Variants in NEBL observed in about 807,000 individuals in gnomAD.
The protein encoded by NEBL is LIM and SH3 protein 2.
A neutral mutation model predicts 140.2 loss-of-function variants in NEBL; 122 were observed. That is an observed-to-expected ratio of 0.87 (90% CI 0.75 to 1.01). The LOEUF (loss-of-function observed/expected upper bound fraction) is 1.01. Among genes scored for constraint, NEBL ranks in the 50% least tolerant of loss-of-function variants. NEBL has a pLI of 0.00. For synonymous variants in NEBL, 436 were observed against 398.9 expected, an observed-to-expected ratio of 1.09 and a Z score of -1.11; for missense variants, 1,365 against 1,231.3, an observed-to-expected ratio of 1.11 and a Z score of -1.62.
intron 2 of NEBL, among the ~76,000 whole-genome samples, chr10:21,073,187 G>T (rs1835896392): frequency 6.6e-6 from 1 of 152,128 alleles, no homozygotes; most frequent in African/African-American, 2.4e-5. Flanking sequence ...TCAGGGCGCA[G>T]TAGTTCACAT....
At chr10:21,187,783 GGA>G (rs1295425348) in intron 3 of NEBL, among the ~76,000 whole-genome samples, 2 of 152,084 alleles carry the variant, frequency 1.3e-5, no homozygotes. Context: ...CAAAGTGCTG[GGA>G]TTACAGATGT....
intron 3 of NEBL, among the ~76,000 whole-genome samples, chr10:21,240,296 G>A (rs1211607747): frequency 3.9e-5 from 6 of 152,080 alleles, no homozygotes; most frequent in East Asian, 1.9e-4. Flanking sequence ...GTAGAGATTC[G>A]TTGCATGTAA....
At chr10:21,165,028 T>C (rs1427101293) in intron 2 of NEBL, among the ~76,000 whole-genome samples, 1 of 152,218 alleles carries the variant, frequency 6.6e-6, no homozygotes, top group Non-Finnish European at 1.5e-5. Context: ...ACCTTTTCTC[T>C]TGTCTTTAAG....
At chr10:21,032,690 G>A (rs1833849863) in intron 2 of NEBL, among the ~76,000 whole-genome samples, 1 of 152,172 alleles carries the variant, frequency 6.6e-6, no homozygotes, top group African/African-American at 2.4e-5. Context: ...TTATGATAAT[G>A]TAGGCCTCTC....
Position 20,869,630 on chromosome 10 carries a change from A to G in NEBL, c.582+110T>C, listed in dbSNP as rs1844709280. On this transcript the variant is annotated intron_variant, in intron 6 of 27. Transcript: ENST00000377122. ...GGGGGAAATTGAGATGTATTCATTT[A>G]TATTGATTAGTTACACTAATTAAAT... is the stretch of plus-strand genomic sequence containing the variant. 7.9e-6 allele frequency: 6 copies of G among 762,862 alleles called. No homozygotes were observed. In the Admixed American group the frequency reaches 9.5e-5, roughly 12 times the overall value. 47.3% of individuals were successfully genotyped at this position (762,862 alleles called of 1,614,324 possible).
At chr10:20,819,646 T>G in intron 19 of NEBL, 130 bp from the exon 20 acceptor site, 2 of 1,133,976 alleles carry the variant, frequency 1.8e-6, no homozygotes, top group Non-Finnish European at 1.3e-6. Context: ...CAGGATTTCA[T>G]AGTGAAATAT....
rs1835239388 is a variant in NEBL at position 20,784,429 on chromosome 10, TG to T, written c.*1317del. 1 of 152,164 alleles carries T rather than the reference TG, an allele frequency of 6.6e-6. No homozygotes were observed. The highest frequency in any genetic ancestry group is 6.5e-5 in the Admixed American group (1 of 15,270). The allele number at this position is 152,164 out of a possible 1,614,324, so 9.4% of individuals were successfully genotyped here. A position where few individuals can be genotyped will look rare whatever the true frequency, so the allele number is the denominator to read the frequency against. On this transcript the variant is annotated 3_prime_UTR_variant, in exon 28 of 28. Coordinates refer to ENST00000377122, the MANE Select transcript of NEBL (RefSeq NM_006393.3). ...ATTTCTTTCTTAGAGAACAGGCTCT[TG>T]GGCCTGTACTAAAAAATCTCTGATG...
chr10:21,213,254 C>T (rs1033393078), intron 3 of NEBL, among the ~76,000 whole-genome samples: 1 of 152,152 alleles, frequency 6.6e-6, no homozygotes, highest in African/African-American at 2.4e-5. Flanking sequence ...TTTCCTTGAA[C>T]TTGTATTTGG....
chr10:20,942,369 G>C (rs1399883189), intron 4 of NEBL, among the ~76,000 whole-genome samples: 1 of 152,136 alleles, frequency 6.6e-6, no homozygotes, highest in African/African-American at 2.4e-5. Flanking sequence ...ATGGTGCTGG[G>C]AAAACTGGCT....
At chr10:20,972,764 TA>T (rs556803958) in intron 3 of NEBL, among the ~76,000 whole-genome samples, 3,199 of 147,962 alleles carry the variant, frequency 0.022, 40 homozygotes, top group Middle Eastern at 0.055. Flanking sequence ...AAATAAAAAT[TA>T]AAAAAAAAAT....
intron 25 of NEBL, among the ~76,000 whole-genome samples, chr10:20,809,339 T>G (rs189863422): frequency 1.3e-5 from 2 of 152,204 alleles, no homozygotes; most frequent in Non-Finnish European, 2.9e-5. Flanking sequence ...AAACTATTCA[T>G]TTTACATTAT....
At chr10:21,171,901 C>G (rs1464556237) in intron 2 of NEBL, 1 of 192,112 alleles carries the variant, frequency 5.2e-6, no homozygotes, top group Non-Finnish European at 1.1e-5. Flanking sequence ...CCAAACCATT[C>G]TTTGATTTCC....
intron 3 of NEBL, among the ~76,000 whole-genome samples, chr10:20,974,092 GT>G: frequency 6.6e-6 from 1 of 152,206 alleles, no homozygotes; most frequent in Middle Eastern, 3.4e-3. Flanking sequence ...TGGTTTAGTG[GT>G]TACAACCCAG....
At chr10:20,837,854 T>C (rs1338169157) in intron 13 of NEBL, among the ~76,000 whole-genome samples, 1 of 152,180 alleles carries the variant, frequency 6.6e-6, no homozygotes, top group Non-Finnish European at 1.5e-5. Flanking sequence ...GCTTTATAAA[T>C]GGAATAACAA....
chr10:20,951,322 G>C (rs1297549771), intron 4 of NEBL, among the ~76,000 whole-genome samples: 1 of 143,524 alleles, frequency 7.0e-6, no homozygotes, highest in Non-Finnish European at 1.5e-5. Context: ...GTACAAAAGA[G>C]AAAAAGGCCA....
At chr10:21,046,453 C>T (rs1278476108) in intron 2 of NEBL, among the ~76,000 whole-genome samples, 3 of 152,128 alleles carry the variant, frequency 2.0e-5, no homozygotes, top group African/African-American at 7.2e-5. Context: ...AAACATCATG[C>T]TAGACACCAT....
At chr10:21,233,439 T>C (rs906011018) in intron 3 of NEBL, among the ~76,000 whole-genome samples, 3 of 151,864 alleles carry the variant, frequency 2.0e-5, no homozygotes, top group African/African-American at 7.3e-5. Context: ...TACTTATAAT[T>C]TGGGAAGGAC....
intron 2 of NEBL, among the ~76,000 whole-genome samples, chr10:21,085,756 G>A (rs1836596306): frequency 1.3e-5 from 2 of 152,068 alleles, no homozygotes; most frequent in Admixed American, 1.3e-4. Context: ...GTAAAGTTTT[G>A]TTCTAATATA....
intron 2 of NEBL, among the ~76,000 whole-genome samples, chr10:21,159,841 G>T (rs1217507705): frequency 6.6e-6 from 1 of 152,126 alleles, no homozygotes; most frequent in Non-Finnish European, 1.5e-5. Context: ...ATCCCACGTT[G>T]GCAAAACTCC....
Sources: gnomAD v4.1 joint callset for allele counts (sites outside exome capture counted in the v4.1 genomes callset) on GRCh38, gnomAD v4.1.1 for gene constraint, MANE v1.5 for transcripts, NCBI Gene and HGNC (gene_info 2026-07-23, HGNC 2026-07-21) for gene names.